The following FAM178B variants were observed in gnomAD, a reference collection of about 807,000 sequenced individuals.
The protein encoded by FAM178B is protein FAM178B.
In FAM178B, 82 loss-of-function variants were observed where a neutral mutation model predicts 91.7. The observed-to-expected ratio is 0.89, with a 90% confidence interval of 0.75 to 1.07. The LOEUF (loss-of-function observed/expected upper bound fraction) is 1.07, where lower values mean the gene tolerates loss of function less well. Ranked by LOEUF, FAM178B falls within the 50% of genes least tolerant of loss-of-function variation. The probability of loss-of-function intolerance (pLI) is 0.00; values close to 1 mark genes in which losing one functional copy is unlikely to be tolerated. For missense variants in FAM178B, 769 were observed against 846.7 expected (o/e 0.91, Z 1.14); for synonymous variants, 368 against 359.4 (o/e 1.02, Z -0.27).
chr2:96,948,255 G>A (rs534374255), intron 7 of FAM178B, among the ~76,000 whole-genome samples: 1 of 152,362 alleles, frequency 6.6e-6, no homozygotes, highest in African/African-American at 2.4e-5. Context: ...CTCCAGGGCA[G>A]GGCCCAGCGT....
At chr2:96,967,394 C>A in intron 5 of FAM178B, 126 bp downstream of exon 5, 1 of 609,782 alleles carries the variant, frequency 1.6e-6, no homozygotes. Context: ...AAAGAGGTAG[C>A]TTTAGAATTC....
chr2:96,922,757 T>G (rs1398787220), intron 10 of FAM178B, among the ~76,000 whole-genome samples: 5 of 152,168 alleles, frequency 3.3e-5, no homozygotes, highest in African/African-American at 4.8e-5. Flanking sequence ...CAGGCTGGAG[T>G]GCAATGGTGC....
intron 5 of FAM178B, 89 bp from the exon 6 acceptor site, chr2:96,960,529 G>A: frequency 7.1e-7 from 1 of 1,402,122 alleles, no homozygotes; most frequent in Non-Finnish European, 9.5e-7. Flanking sequence ...GATAGAGGGG[G>A]GCCACGGGCT....
At chr2:96,885,137 G>T (rs184702142) in intron 14 of FAM178B, among the ~76,000 whole-genome samples, 17 of 152,370 alleles carry the variant, frequency 1.1e-4, no homozygotes, top group Non-Finnish European at 1.9e-4. Flanking sequence ...ACGGAGCAGG[G>T]ATGAGGCCCA....
At chr2:96,983,284 C>CCTG (rs2082385324) in intron 1 of FAM178B, among the ~76,000 whole-genome samples, 1 of 152,134 alleles carries the variant, frequency 6.6e-6, no homozygotes, top group Non-Finnish European at 1.5e-5. Context: ...CATATACATA[C>CCTG]ATATGGTAAC....
At chr2:96,914,058 C>T (rs2081202150) in intron 12 of FAM178B, among the ~76,000 whole-genome samples, 1 of 152,232 alleles carries the variant, frequency 6.6e-6, no homozygotes, top group African/African-American at 2.4e-5. Flanking sequence ...ATTTACTCAG[C>T]ACCCGTGATA....
intron 1 of FAM178B, among the ~76,000 whole-genome samples, chr2:96,973,792 G>C (rs1193474614): frequency 6.6e-6 from 1 of 151,480 alleles, no homozygotes; most frequent in East Asian, 2.0e-4. Flanking sequence ...TCTGAGGTCA[G>C]AGTTCGAGAC....
chr2:96,951,494 A>C lies in FAM178B; in HGVS notation c.888-10T>G. 6.5e-7 allele frequency: 1 copy of C among 1,548,746 alleles called. No homozygotes were observed. The highest frequency in any genetic ancestry group is 1.4e-5 in the African/African-American group (1 of 72,744). ...TTGGGCTGGCGGGGAGCTGGGAGGC[A>C]GAGGGCTGAGGTTAGGGGAGGCCTC... On this transcript the variant is annotated splice_polypyrimidine_tract_variant and intron_variant, in intron 6 of 16. Coordinates refer to ENST00000490605, the MANE Select transcript of FAM178B (RefSeq NM_001122646.3).
chr2:96,961,909 T>C (rs1014117838), intron 5 of FAM178B, among the ~76,000 whole-genome samples: 1 of 152,242 alleles, frequency 6.6e-6, no homozygotes, highest in African/African-American at 2.4e-5. Context: ...AGGAAGCATC[T>C]CACCAAACCA....
intron 8 of FAM178B, among the ~76,000 whole-genome samples, chr2:96,934,036 T>G (rs1219747971): frequency 6.6e-6 from 1 of 152,242 alleles, no homozygotes; most frequent in African/African-American, 2.4e-5. Context: ...AGCTTTAGCT[T>G]TAGTCATTTC....
At chr2:96,884,744 C>T (rs2080474876) in intron 14 of FAM178B, among the ~76,000 whole-genome samples, 1 of 152,222 alleles carries the variant, frequency 6.6e-6, no homozygotes, top group Admixed American at 6.5e-5. Flanking sequence ...TTCCCCTTGG[C>T]CAGGCAGCTT....
Position 96,878,348 on chromosome 2 carries a change from C to G in FAM178B, c.1854+68G>C, listed in dbSNP as rs2080297605. ...TGGGCTGGGCGCCATCCCAGCCAAC[C>G]CCCGCCGCTTGGGGGAGAAGACACA... On this transcript the variant is annotated intron_variant, in intron 15 of 16. Transcript: ENST00000490605. The G allele has an allele frequency of 4.1e-6, 6 of 1,478,614 alleles. 1 individual carries two copies. In the South Asian group the frequency reaches 7.0e-5, roughly 17 times the overall value. The allele number at this position is 1,478,614 out of a possible 1,614,324, so 91.6% of individuals were successfully genotyped here. A position where few individuals can be genotyped will look rare whatever the true frequency, so the allele number is the denominator to read the frequency against.
intron 8 of FAM178B, among the ~76,000 whole-genome samples, chr2:96,947,171 G>A (rs950805561): frequency 6.6e-6 from 1 of 152,208 alleles, no homozygotes; most frequent in Non-Finnish European, 1.5e-5. Flanking sequence ...GGTACCAAAT[G>A]ATGACAGTCT....
Position 96,943,008 on chromosome 2 carries a change from C to T in FAM178B, c.1078+4810G>A, listed in dbSNP as rs188300009. ...ATACAAAAATGAACTCAAAATGGAT[C>T]AAAGACCTAAATTTATGAGCTAAAA... On this transcript the variant is annotated intron_variant, in intron 8 of 16. Transcript: ENST00000490605. Among the ~76,000 whole-genome samples the T allele has an allele frequency of 3.3e-5, 5 of 152,162 alleles. No individual in the cohort carries two copies. The East Asian group carries it at 9.6e-4, about 29-fold the overall frequency.
At chr2:96,918,146 T>G (rs1241619652) in intron 12 of FAM178B, among the ~76,000 whole-genome samples, 1 of 139,534 alleles carries the variant, frequency 7.2e-6, no homozygotes, top group South Asian at 2.2e-4. Flanking sequence ...CTAAATCTAT[T>G]CTAAAATAAA....
At position 96,904,539 on chromosome 2, in the gene FAM178B, CTATTT is replaced by C. The variant is rs1330083223; in HGVS notation, c.1563-1837_1563-1833del. ...GTCACGCACGCGCCACCATGCCTGG[CTATTT>C]TTTTTTTTTTTTTTTTTTTTTGTAT... is the stretch of plus-strand genomic sequence containing the variant. On this transcript the variant is annotated intron_variant, in intron 12 of 16. Transcript: ENST00000490605. 1.2e-4 allele frequency among the ~76,000 whole-genome samples: 16 copies of C among 133,116 alleles called. 1 individual carries two copies. Among genetic ancestry groups the C allele is most frequent in the African/African-American group, 4.1e-4 (13 of 31,430 alleles). The allele number at this position is 133,116 out of a possible 152,430, so 87.3% of individuals were successfully genotyped here.
intron 8 of FAM178B, among the ~76,000 whole-genome samples, chr2:96,933,954 A>G (rs2081584653): frequency 6.6e-6 from 1 of 152,216 alleles, no homozygotes; most frequent in Non-Finnish European, 1.5e-5. Context: ...CCCAAATCTA[A>G]TCACTTATCT....
intron 13 of FAM178B, among the ~76,000 whole-genome samples, chr2:96,899,175 C>T (rs1429991610): frequency 6.6e-6 from 1 of 152,248 alleles, no homozygotes; most frequent in Non-Finnish European, 1.5e-5. Flanking sequence ...CTTCCTATCC[C>T]TCCAGTCGCC....
intron 8 of FAM178B, among the ~76,000 whole-genome samples, chr2:96,941,266 C>T (rs1193790631): frequency 6.6e-6 from 1 of 152,098 alleles, no homozygotes; most frequent in Non-Finnish European, 1.5e-5. Context: ...AAACTTGGTA[C>T]AGAGAGTAGT....
Sources: allele counts gnomAD v4.1 joint callset (sites outside exome capture counted in the v4.1 genomes callset), GRCh38; gene constraint gnomAD v4.1.1; transcripts MANE v1.5; gene names NCBI Gene and HGNC (gene_info 2026-07-23, HGNC 2026-07-21).